Variants in CNTNAP2 observed in about 807,000 individuals in gnomAD.
The protein encoded by CNTNAP2 is contactin associated protein 2.
Under a neutral mutation model 155.2 loss-of-function variants are expected in CNTNAP2, and 98 were observed. That is an observed-to-expected ratio of 0.63 (90% CI 0.54 to 0.75). The LOEUF (loss-of-function observed/expected upper bound fraction) is 0.75. Ranked by LOEUF, CNTNAP2 falls within the 30% of genes least tolerant of loss-of-function variation. The pLI is 0.00. For synonymous variants in CNTNAP2, 651 were observed against 631.2 expected (o/e 1.03, Z -0.47); for missense variants, 1,727 against 1,688.1 (o/e 1.02, Z -0.40).
At chr7:147,614,383 A>C (rs1475151501) in intron 12 of CNTNAP2, among the ~76,000 whole-genome samples, 1 of 152,058 alleles carries the variant, frequency 6.6e-6, no homozygotes, top group African/African-American at 2.4e-5. Flanking sequence ...TAAAGTTTTA[A>C]ATTTCTCCCA....
At chr7:146,783,847 T>C (rs1802530623) in intron 2 of CNTNAP2, among the ~76,000 whole-genome samples, 1 of 152,198 alleles carries the variant, frequency 6.6e-6, no homozygotes, top group African/African-American at 2.4e-5. Context: ...GAATCACAGA[T>C]CGTCTTTATC....
chr7:146,792,835 T>C (rs530952166), intron 2 of CNTNAP2, among the ~76,000 whole-genome samples: 12 of 152,302 alleles, frequency 7.9e-5, no homozygotes, highest in African/African-American at 2.6e-4. Flanking sequence ...ATGAAAATAA[T>C]AATTATTTTT....
At chr7:147,754,261 G>C (rs566114156) in intron 13 of CNTNAP2, among the ~76,000 whole-genome samples, 7 of 152,258 alleles carry the variant, frequency 4.6e-5, no homozygotes, top group Admixed American at 3.9e-4. Flanking sequence ...AAATGTACTA[G>C]ACACTTTTGG....
intron 14 of CNTNAP2, among the ~76,000 whole-genome samples, chr7:147,931,923 T>C (rs1461244857): frequency 6.6e-6 from 1 of 152,128 alleles, no homozygotes; most frequent in Non-Finnish European, 1.5e-5. Context: ...TCTCATTATA[T>C]CACCCAGGCT....
chr7:148,272,767 T>C (rs185998009), intron 21 of CNTNAP2, among the ~76,000 whole-genome samples: 93 of 152,300 alleles, frequency 6.1e-4, no homozygotes, highest in African/African-American at 2.1e-3. Context: ...GATTCTTAAA[T>C]GAATGTGATT....
chr7:147,359,778 C>A (rs73473157), intron 9 of CNTNAP2, among the ~76,000 whole-genome samples: 8 of 152,144 alleles, frequency 5.3e-5, no homozygotes, highest in Non-Finnish European at 1.0e-4. Context: ...CTTGATGAAG[C>A]CTTCCCTGAC....
intron 18 of CNTNAP2, among the ~76,000 whole-genome samples, chr7:148,176,803 C>T (rs1005737933): frequency 6.6e-6 from 1 of 152,076 alleles, no homozygotes; most frequent in Non-Finnish European, 1.5e-5. Flanking sequence ...TCCTTGGCAC[C>T]CCATCGGCTG....
chr7:146,271,536 T>C (rs1277136095), intron 1 of CNTNAP2, among the ~76,000 whole-genome samples: 1 of 151,832 alleles, frequency 6.6e-6, no homozygotes, highest in Non-Finnish European at 1.5e-5. Flanking sequence ...GTAAATAATA[T>C]ACGGTTTATT....
At chr7:146,866,307 A>G (rs1189966237) in intron 3 of CNTNAP2, among the ~76,000 whole-genome samples, 1 of 152,140 alleles carries the variant, frequency 6.6e-6, no homozygotes, top group African/African-American at 2.4e-5. Context: ...CCTTTATAAT[A>G]AAATATTTAT....
chr7:147,482,920 C>T (rs1309653573), intron 10 of CNTNAP2, among the ~76,000 whole-genome samples: 1 of 151,000 alleles, frequency 6.6e-6, no homozygotes, highest in African/African-American at 2.4e-5. Context: ...GTGGTACACA[C>T]CTGTAATCCC....
intron 10 of CNTNAP2, among the ~76,000 whole-genome samples, chr7:147,426,374 A>G (rs1343179760): frequency 5.3e-5 from 8 of 152,210 alleles, no homozygotes; most frequent in African/African-American, 1.9e-4. Context: ...TATCCAGAAC[A>G]TTTGTCATTG....
chr7:148,137,304 C>T (rs991105507), intron 16 of CNTNAP2, among the ~76,000 whole-genome samples: 2 of 152,172 alleles, frequency 1.3e-5, no homozygotes, highest in African/African-American at 2.4e-5. Flanking sequence ...TCTCTTGTGA[C>T]GATTCTAAGG....
intron 3 of CNTNAP2, among the ~76,000 whole-genome samples, chr7:147,007,757 G>A (rs1798550640): frequency 2.0e-5 from 3 of 151,948 alleles, no homozygotes; most frequent in African/African-American, 7.3e-5. Flanking sequence ...CTAGTTTCTT[G>A]GTTGTGGGTT....
intron 1 of CNTNAP2, among the ~76,000 whole-genome samples, chr7:146,135,388 G>T (rs1797782406): frequency 6.6e-6 from 1 of 151,994 alleles, no homozygotes; most frequent in Non-Finnish European, 1.5e-5. Context: ...CAGAGTTTAA[G>T]TTTTTGTAGT....
intron 1 of CNTNAP2, among the ~76,000 whole-genome samples, chr7:146,717,748 A>T (rs890061293): frequency 2.5e-4 from 38 of 152,126 alleles, no homozygotes; most frequent in Admixed American, 7.2e-4. Context: ...GTAGAAACTT[A>T]TATTAATTGA....
chr7:146,469,863 A>G (rs1157405971), intron 1 of CNTNAP2, among the ~76,000 whole-genome samples: 4 of 117,144 alleles, frequency 3.4e-5, no homozygotes, highest in African/African-American at 1.4e-4. Flanking sequence ...TTTTTGAGAC[A>G]CAGTCTTACT....
At chr7:147,660,651 T>C (rs1795595120) in intron 13 of CNTNAP2, among the ~76,000 whole-genome samples, 1 of 152,214 alleles carries the variant, frequency 6.6e-6, no homozygotes, top group African/African-American at 2.4e-5. Flanking sequence ...CTGGTGCATA[T>C]TGATCATCTG....
chr7:146,658,949 C>T (rs1800039040), intron 1 of CNTNAP2, among the ~76,000 whole-genome samples: 1 of 152,136 alleles, frequency 6.6e-6, no homozygotes, highest in African/African-American at 2.4e-5. Context: ...ACCCCACACT[C>T]TCTCAGCCTC....
intron 1 of CNTNAP2, among the ~76,000 whole-genome samples, chr7:146,196,052 CAA>C (rs1798770638): frequency 6.6e-6 from 1 of 152,100 alleles, no homozygotes; most frequent in South Asian, 2.1e-4. Flanking sequence ...TTTGTTTTTA[CAA>C]AGTTTGACTT....
Sources: gnomAD v4.1 joint callset for allele counts (sites outside exome capture counted in the v4.1 genomes callset) on GRCh38, gnomAD v4.1.1 for gene constraint, MANE v1.5 for transcripts, NCBI Gene and HGNC (gene_info 2026-07-23, HGNC 2026-07-21) for gene names.